SPATA31D3: variants seen among roughly 807,000 people sequenced by gnomAD.
SPATA31D3 encodes spermatogenesis-associated protein 31D3.
For synonymous variants in SPATA31D3, 27 were observed against 107.8 expected (o/e 0.25, Z 4.65); for missense variants, 91 against 297.9 (o/e 0.31, Z 5.11).
In SPATA31D3 at chr9:81,949,449, G is replaced by A. The variant is rs1012025276; in HGVS notation, c.*1442G>A. Reference sequence around the variant, plus strand: ...GTTCCTAGGAAAAGGGTAGCTCCTTGTCATCATCTGTGCAGAATAGAGGTC... The same window carrying A: ...GTTCCTAGGAAAAGGGTAGCTCCTTATCATCATCTGTGCAGAATAGAGGTC... On this transcript the variant is annotated 3_prime_UTR_variant, in exon 4 of 4. Coordinates refer to ENST00000445385, the MANE Select transcript of SPATA31D3 (RefSeq NM_207416.3). The A allele has an allele frequency of 7.3e-6, 3 of 408,566 alleles. No individual in the cohort carries two copies. Among genetic ancestry groups the A allele is most frequent in the South Asian group, 3.0e-5 (1 of 32,924 alleles). 25.3% of individuals were successfully genotyped at this position (408,566 alleles called of 1,614,324 possible). A position where few individuals can be genotyped will look rare whatever the true frequency, so the allele number is the denominator to read the frequency against.
Position 81,949,386 on chromosome 9 carries a change from G to A in SPATA31D3, c.*1379G>A. 5.7e-6 allele frequency: 2 copies of A among 349,918 alleles called. No individual in the cohort carries two copies. The highest frequency in any genetic ancestry group is 1.3e-4 in the East Asian group (2 of 15,860). The allele number at this position is 349,918 out of a possible 1,614,324, so 21.7% of individuals were successfully genotyped here. A position where few individuals can be genotyped will look rare whatever the true frequency, so the allele number is the denominator to read the frequency against. Reference sequence around the variant, plus strand: ...CATTGATGAAGACCTTTTTGCAGCAGTCTAATAAACCCATCATAACATATG... The same window carrying A: ...CATTGATGAAGACCTTTTTGCAGCAATCTAATAAACCCATCATAACATATG... On this transcript the variant is annotated 3_prime_UTR_variant, in exon 4 of 4. Coordinates refer to ENST00000445385, the MANE Select transcript of SPATA31D3 (RefSeq NM_207416.3).
chr9:81,949,846 G>A lies in SPATA31D3; in HGVS notation c.*1839G>A, dbSNP rs1325332011. On this transcript the variant is annotated 3_prime_UTR_variant, in exon 4 of 4. Transcript: ENST00000445385. ...TTTAAGGGGAAGATATTGTGTCAAAGGCATCCCCAATCCATGCCCCACAGG... is the reference window on the plus strand; with the variant it reads ...TTTAAGGGGAAGATATTGTGTCAAAAGCATCCCCAATCCATGCCCCACAGG... The A allele has an allele frequency of 1.0e-5, 10 of 982,964 alleles. No homozygotes were observed. The highest frequency in any genetic ancestry group is 1.3e-5 in the Non-Finnish European group (8 of 632,754). The allele number at this position is 982,964 out of a possible 1,614,324, so 60.9% of individuals were successfully genotyped here. A position where few individuals can be genotyped will look rare whatever the true frequency, so the allele number is the denominator to read the frequency against.
rs1823993513 is a variant in SPATA31D3 at position 81,949,716 on chromosome 9, A to G, written c.*1709A>G. On this transcript the variant is annotated 3_prime_UTR_variant, in exon 4 of 4. Transcript: ENST00000445385. ...ACATGGCTCCCTCCTGCAAAGTGAC[A>G]TGTACCAAATCTTGCAGCCAACAAG... The G allele has an allele frequency of 5.0e-6, 7 of 1,407,508 alleles. No homozygotes were observed. Among genetic ancestry groups the G allele is most frequent in the Non-Finnish European group, 6.0e-6 (6 of 997,192 alleles). The allele number at this position is 1,407,508 out of a possible 1,614,324, so 87.2% of individuals were successfully genotyped here.
chr9:81,949,295 A>T lies in SPATA31D3; in HGVS notation c.*1288A>T. ...GCTATTCATAACAAGACATCAAGGG[A>T]GTCGCTTGGGAGCAAATCTTCCCCA... On this transcript the variant is annotated 3_prime_UTR_variant, in exon 4 of 4. Transcript: ENST00000445385. 1 of 369,536 alleles carries T rather than the reference A, an allele frequency of 2.7e-6. No homozygotes were observed. The highest frequency in any genetic ancestry group is 3.9e-5 in the Admixed American group (1 of 25,852). 22.9% of individuals were successfully genotyped at this position (369,536 alleles called of 1,614,324 possible).
chr9:81,949,471 G>C lies in SPATA31D3; in HGVS notation c.*1464G>C. ...CTTGTCATCATCTGTGCAGAATAGA[G>C]GTCGAGTTAAAAGTAGAGCTGTCTT... is the stretch of plus-strand genomic sequence containing the variant. On this transcript the variant is annotated 3_prime_UTR_variant, in exon 4 of 4. Transcript: ENST00000445385. 2.1e-6 allele frequency: 1 copy of C among 480,926 alleles called. No individual in the cohort carries two copies. The highest frequency in any genetic ancestry group is 3.9e-6 in the Non-Finnish European group (1 of 254,944). 29.8% of individuals were successfully genotyped at this position (480,926 alleles called of 1,614,324 possible).
In SPATA31D3 at chr9:81,949,194, T is replaced by G. The variant is rs1388910740; in HGVS notation, c.*1187T>G. 4.3e-6 allele frequency: 2 copies of G among 465,918 alleles called. No individual in the cohort carries two copies. The highest frequency in any genetic ancestry group is 2.0e-5 in the African/African-American group (1 of 51,056). The allele number at this position is 465,918 out of a possible 1,614,324, so 28.9% of individuals were successfully genotyped here. A position where few individuals can be genotyped will look rare whatever the true frequency, so the allele number is the denominator to read the frequency against. ...CACCAGCTACAAAGAGAGTGAGCCC[T>G]CTAAGACCTAATGGAGGAGAGCTTG... On this transcript the variant is annotated 3_prime_UTR_variant, in exon 4 of 4. Transcript: ENST00000445385.
Position 81,947,385 on chromosome 9 carries a change from G to GT in SPATA31D3, c.2133dup (p.Pro712SerfsTer24). 3 of 960,628 alleles carry GT rather than the reference G, an allele frequency of 3.1e-6. No individual in the cohort carries two copies. Among genetic ancestry groups the GT allele is most frequent in the Non-Finnish European group, 4.4e-6 (3 of 684,340 alleles). The allele number at this position is 960,628 out of a possible 1,614,324, so 59.5% of individuals were successfully genotyped here. ...ATCCATGAGTCTCTGTCATTGCTAC[G>GT]TCCTCAGAACAAAATTTCAGAGCTA... On this transcript the variant is annotated frameshift_variant, in exon 4 of 4. Coordinates refer to ENST00000445385, the MANE Select transcript of SPATA31D3 (RefSeq NM_207416.3). LOFTEE classifies it low-confidence loss of function (END_TRUNC).
rs1823983726 is a variant in SPATA31D3 at position 81,949,559 on chromosome 9, T to G, written c.*1552T>G. 1 of 604,620 alleles carries G rather than the reference T, an allele frequency of 1.7e-6. No homozygotes were observed. The highest frequency in any genetic ancestry group is 3.1e-6 in the Non-Finnish European group (1 of 324,118). 37.5% of individuals were successfully genotyped at this position (604,620 alleles called of 1,614,324 possible). On this transcript the variant is annotated 3_prime_UTR_variant, in exon 4 of 4. Coordinates refer to ENST00000445385, the MANE Select transcript of SPATA31D3 (RefSeq NM_207416.3). ...ACTGGGGAGTTCATAGAAGAGAAGC[T>G]GGGGCATAGACATTGAATAGATATC...
Position 81,949,534 on chromosome 9 carries a change from A to G in SPATA31D3, c.*1527A>G. The G allele has an allele frequency of 3.5e-6, 2 of 578,140 alleles. No individual in the cohort carries two copies. Among genetic ancestry groups the G allele is most frequent in the Non-Finnish European group, 6.5e-6 (2 of 309,190 alleles). 35.8% of individuals were successfully genotyped at this position (578,140 alleles called of 1,614,324 possible). On this transcript the variant is annotated 3_prime_UTR_variant, in exon 4 of 4. Transcript: ENST00000445385. ...TGAAGCTCAGAAAATTAGGAAAGACACTGGGGAGTTCATAGAAGAGAAGCT... is the reference window on the plus strand; with the variant it reads ...TGAAGCTCAGAAAATTAGGAAAGACGCTGGGGAGTTCATAGAAGAGAAGCT...
Position 81,945,559 on chromosome 9 carries a change from T to A in SPATA31D3, c.306T>A (p.Pro102=). The A allele has an allele frequency of 7.8e-6, 1 of 128,602 alleles. No homozygotes were observed. Among genetic ancestry groups the A allele is most frequent in the Non-Finnish European group, 1.3e-5 (1 of 75,668 alleles). The allele number at this position is 128,602 out of a possible 1,614,324, so 8.0% of individuals were successfully genotyped here. ...LHSFLKSFGP[P]VSCSPLGQHH... is the part of the protein sequence containing the mutation. Reference sequence around the variant, plus strand: ...ATCCTGGCTGCAGCTTTGGACCTCCTGTTTCCTGCAGTCCCCTGGGCCAGC... The same window carrying A: ...ATCCTGGCTGCAGCTTTGGACCTCCAGTTTCCTGCAGTCCCCTGGGCCAGC... The change falls in exon 4 of 4, where the codon CCT becomes CCA. Residue 102 remains proline, a synonymous_variant. Transcript: ENST00000445385.
rs573650843 is a variant in SPATA31D3 at position 81,948,028 on chromosome 9, C to T, written c.*21C>T. 5.7e-5 allele frequency: 91 copies of T among 1,594,300 alleles called. No individual in the cohort carries two copies. The highest frequency in any genetic ancestry group is 1.7e-4 in the Middle Eastern group (1 of 5,990). On this transcript the variant is annotated 3_prime_UTR_variant, in exon 4 of 4. Coordinates refer to ENST00000445385, the MANE Select transcript of SPATA31D3 (RefSeq NM_207416.3). ...TATGAGGATGCTGTGGGGCCTTCCCCGCAAGATCCGTGAACCCACAGAAAT... is the reference window on the plus strand; with the variant it reads ...TATGAGGATGCTGTGGGGCCTTCCCTGCAAGATCCGTGAACCCACAGAAAT...
In SPATA31D3 at chr9:81,949,494, C is replaced by A. The variant is rs1377606673; in HGVS notation, c.*1487C>A. 1 of 522,524 alleles carries A rather than the reference C, an allele frequency of 1.9e-6. No individual in the cohort carries two copies. The highest frequency in any genetic ancestry group is 2.0e-5 in the South Asian group (1 of 48,850). The allele number at this position is 522,524 out of a possible 1,614,324, so 32.4% of individuals were successfully genotyped here. A position where few individuals can be genotyped will look rare whatever the true frequency, so the allele number is the denominator to read the frequency against. On this transcript the variant is annotated 3_prime_UTR_variant, in exon 4 of 4. Coordinates refer to ENST00000445385, the MANE Select transcript of SPATA31D3 (RefSeq NM_207416.3). ...GAGGTCGAGTTAAAAGTAGAGCTGT[C>A]TTTACTGGGACTATTGAAGCTCAGA... is the stretch of plus-strand genomic sequence containing the variant.
In SPATA31D3 at chr9:81,949,536, TG is replaced by T. The variant is rs768711266; in HGVS notation, c.*1533del. The T allele has an allele frequency of 2.2e-4, 130 of 579,540 alleles. No individual in the cohort carries two copies. The highest frequency in any genetic ancestry group is 3.9e-4 in the Non-Finnish European group (121 of 310,140). 35.9% of individuals were successfully genotyped at this position (579,540 alleles called of 1,614,324 possible). ...AAGCTCAGAAAATTAGGAAAGACAC[TG>T]GGGAGTTCATAGAAGAGAAGCTGGG... On this transcript the variant is annotated 3_prime_UTR_variant, in exon 4 of 4. Transcript: ENST00000445385.
Position 81,945,206 on chromosome 9 carries a change from A to G in SPATA31D3, c.267A>G (p.Glu89=). The G allele has an allele frequency of 8.9e-7, 1 of 1,118,820 alleles. No homozygotes were observed. The highest frequency in any genetic ancestry group is 1.6e-5 in the South Asian group (1 of 63,720). The allele number at this position is 1,118,820 out of a possible 1,614,324, so 69.3% of individuals were successfully genotyped here. A position where few individuals can be genotyped will look rare whatever the true frequency, so the allele number is the denominator to read the frequency against. ...GTTTGCAGAAGGAAGCAGAAGAGGAAAGAAAGCTACATTCTTTTCTGAAAA... is the reference window on the plus strand; with the variant it reads ...GTTTGCAGAAGGAAGCAGAAGAGGAGAGAAAGCTACATTCTTTTCTGAAAA... ...RKSLQKEAEE[E]RKLHSFLKSF... is the part of the protein sequence containing the mutation. The change falls in exon 3 of 4, where the codon GAA becomes GAG. Residue 89 remains glutamate, a synonymous_variant. Coordinates refer to ENST00000445385, the MANE Select transcript of SPATA31D3 (RefSeq NM_207416.3).
Position 81,947,853 on chromosome 9 carries a change from A to T in SPATA31D3, c.2600A>T (p.Gln867Leu). 6.2e-7 allele frequency: 1 copy of T among 1,610,494 alleles called. No homozygotes were observed. The highest frequency in any genetic ancestry group is 8.5e-7 in the Non-Finnish European group (1 of 1,178,854). ...TGTCTTCCTGAGAAATCCCACAGCC[A>T]AATTAAACATCGAAATTTGGCAGCA... ...TICLPEKSHS[Q>L]IKHRNLAALV... Residue 867 changes from glutamine (Q) to leucine (L), a missense_variant, in exon 4 of 4, where the codon CAA becomes CTA. Physicochemically the swap from Gln to Leu is moderately radical, Grantham distance 113. Transcript: ENST00000445385.
rs554310755 is a variant in SPATA31D3 at position 81,949,814 on chromosome 9, T to G, written c.*1807T>G. 1 of 1,206,678 alleles carries G rather than the reference T, an allele frequency of 8.3e-7. No individual in the cohort carries two copies. The highest frequency in any genetic ancestry group is 1.2e-6 in the Non-Finnish European group (1 of 821,068). The allele number at this position is 1,206,678 out of a possible 1,614,324, so 74.7% of individuals were successfully genotyped here. ...GACAAGGACAGATAGCCCCAGGAAG[T>G]TGGACATTTAAGGGGAAGATATTGT... On this transcript the variant is annotated 3_prime_UTR_variant, in exon 4 of 4. Transcript: ENST00000445385.
Position 81,947,952 on chromosome 9 carries a change from T to C in SPATA31D3, c.2699T>C (p.Leu900Ser), listed in dbSNP as rs1293636917. The change falls in exon 4 of 4, where the codon TTG (leucine) becomes TCG (serine). Residue 900 changes from leucine to serine, a missense_variant. Transcript: ENST00000445385. ...CTTAGTTCCAACAAACAAAAGATGT[T>C]GGAAGCCCATATTAAATCTTTCCAT... ...SFLSSNKQKMLEAHIKSFHMK... is the reference protein window; with the variant it reads ...SFLSSNKQKMSEAHIKSFHMK... The C allele has an allele frequency of 1.3e-6, 2 of 1,581,828 alleles. No homozygotes were observed. The highest frequency in any genetic ancestry group is 2.7e-5 in the African/African-American group (2 of 73,678).
Position 81,948,154 on chromosome 9 carries a change from A to G in SPATA31D3, c.*147A>G. 2 of 1,421,860 alleles carry G rather than the reference A, an allele frequency of 1.4e-6. No homozygotes were observed. The highest frequency in any genetic ancestry group is 9.5e-7 in the Non-Finnish European group (1 of 1,056,320). The allele number at this position is 1,421,860 out of a possible 1,614,324, so 88.1% of individuals were successfully genotyped here. A position where few individuals can be genotyped will look rare whatever the true frequency, so the allele number is the denominator to read the frequency against. Reference sequence around the variant, plus strand: ...GGGAGATTCCAAAGATGGGGTCTCTAAGTCTTGTAGACGAAGCACTTTTCA... The same window carrying G: ...GGGAGATTCCAAAGATGGGGTCTCTGAGTCTTGTAGACGAAGCACTTTTCA... On this transcript the variant is annotated 3_prime_UTR_variant, in exon 4 of 4. Coordinates refer to ENST00000445385, the MANE Select transcript of SPATA31D3 (RefSeq NM_207416.3).
Position 81,945,208 on chromosome 9 carries a change from G to T in SPATA31D3, c.269G>T (p.Arg90Ile). 2 of 902,448 alleles carry T rather than the reference G, an allele frequency of 2.2e-6. No individual in the cohort carries two copies. The highest frequency in any genetic ancestry group is 2.8e-6 in the Non-Finnish European group (2 of 710,392). The allele number at this position is 902,448 out of a possible 1,614,324, so 55.9% of individuals were successfully genotyped here. The change falls in exon 3 of 4, where the codon AGA becomes ATA. Residue 90 changes from arginine (R) to isoleucine (I), a missense_variant. Transcript: ENST00000445385. The stretch of plus-strand genomic sequence containing the variant: ...TTGCAGAAGGAAGCAGAAGAGGAAA[G>T]AAAGCTACATTCTTTTCTGAAAAGG... ...KSLQKEAEEERKLHSFLKSFG... is the reference protein window; with the variant it reads ...KSLQKEAEEEIKLHSFLKSFG...
Sources: allele counts gnomAD v4.1 joint callset, GRCh38; gene constraint gnomAD v4.1.1; transcripts MANE v1.5; gene names NCBI Gene and HGNC (gene_info 2026-07-23, HGNC 2026-07-21).